ZNF655: variants seen among roughly 807,000 people sequenced by gnomAD.
ZNF655 encodes the protein Vav-interacting Kruppel-like protein 1.
A neutral mutation model predicts 6.6 loss-of-function variants in ZNF655; 3 were observed. That is an observed-to-expected ratio of 0.46 (90% confidence interval 0.21 to 1.18). The LOEUF (loss-of-function observed/expected upper bound fraction) is 1.18, where lower values mean the gene tolerates loss of function less well. Ranked by LOEUF, ZNF655 falls within the 50% of genes most tolerant of loss-of-function variation. ZNF655 has a pLI of 0.24. For missense variants in ZNF655, 526 were observed against 572.3 expected (o/e 0.92, Z 0.83); for synonymous variants, 178 against 195.0 (o/e 0.91, Z 0.73).
rs1804290757 is a variant in ZNF655 at position 99,574,519 on chromosome 7, G to A, written c.*935G>A. 6.6e-6 allele frequency: 1 copy of A among 152,150 alleles called. No individual in the cohort carries two copies. Among genetic ancestry groups the A allele is most frequent in the South Asian group, 2.1e-4 (1 of 4,822 alleles). 9.4% of individuals were successfully genotyped at this position (152,150 alleles called of 1,614,324 possible). On this transcript the variant is annotated 3_prime_UTR_variant, in exon 3 of 3. Coordinates refer to ENST00000252713, the MANE Select transcript of ZNF655 (RefSeq NM_138494.3). ...GTCCTCCCAAAGTGCTGGGGTTACAGGCGTGTGTCACTGTGCTGGGCCTAT... is the reference window on the plus strand; with the variant it reads ...GTCCTCCCAAAGTGCTGGGGTTACAAGCGTGTGTCACTGTGCTGGGCCTAT...
intron 2 of ZNF655, among the ~76,000 whole-genome samples, chr7:99,565,995 C>T (rs1037810153): frequency 1.3e-5 from 2 of 151,284 alleles, no homozygotes; most frequent in Admixed American, 6.6e-5. Flanking sequence ...TATGTATATA[C>T]ACACACACAG....
intron 2 of ZNF655, among the ~76,000 whole-genome samples, chr7:99,566,153 A>T (rs1394952654): frequency 1.3e-5 from 2 of 152,128 alleles, no homozygotes; most frequent in Admixed American, 6.5e-5. Flanking sequence ...GGCTCAGAGA[A>T]GTTAAGTGAT....
At chr7:99,565,247 C>T (rs1803535288) in intron 2 of ZNF655, among the ~76,000 whole-genome samples, 1 of 152,032 alleles carries the variant, frequency 6.6e-6, no homozygotes, top group Non-Finnish European at 1.5e-5. Flanking sequence ...CTGCTCACCG[C>T]AAGCTCCACC....
chr7:99,566,741 AAAG>A (rs1373978188), intron 2 of ZNF655, among the ~76,000 whole-genome samples: 1 of 151,984 alleles, frequency 6.6e-6, no homozygotes, highest in East Asian at 1.9e-4. Flanking sequence ...TATTTTTAGT[AAAG>A]AAGGTGTTTC....
At chr7:99,568,887 C>T (rs1007094921) in intron 2 of ZNF655, among the ~76,000 whole-genome samples, 1 of 151,938 alleles carries the variant, frequency 6.6e-6, no homozygotes, top group Non-Finnish European at 1.5e-5. Flanking sequence ...TGAGCTCAAG[C>T]GATCATTCTG....
At chr7:99,561,861 A>G (rs1366537913) in intron 2 of ZNF655, 9 of 1,433,458 alleles carry the variant, frequency 6.3e-6, no homozygotes, top group Non-Finnish European at 9.2e-7. Context: ...GGCTGCTCTC[A>G]CTCTTCACTC....
chr7:99,559,266 G>A (rs1802879306), intron 1 of ZNF655, among the ~76,000 whole-genome samples: 1 of 152,236 alleles, frequency 6.6e-6, no homozygotes, highest in African/African-American at 2.4e-5. Context: ...CGGTCTAGCT[G>A]GTCTGAGTTA....
chr7:99,573,824 T>TA lies in ZNF655; in HGVS notation c.*241dup, dbSNP rs760423094. ...GCAAATCTATACCAGTGAGAAATCT[T>TA]ACAAATGTATTGAATGTGGCAAATT... On this transcript the variant is annotated 3_prime_UTR_variant, in exon 3 of 3. Transcript: ENST00000252713. The TA allele has an allele frequency of 4.6e-4, 226 of 490,032 alleles. No homozygotes were observed. The highest frequency in any genetic ancestry group is 9.1e-4 in the Admixed American group (24 of 26,366). 30.4% of individuals were successfully genotyped at this position (490,032 alleles called of 1,614,324 possible).
In ZNF655 at chr7:99,576,254, G is replaced by A. The variant is rs559142235; in HGVS notation, c.*2670G>A. On this transcript the variant is annotated 3_prime_UTR_variant, in exon 3 of 3. Transcript: ENST00000252713. The stretch of plus-strand genomic sequence containing the variant: ...TAAATGAATTGATCTAAATGTAAAA[G>A]CAAATGAAAAATGCATGTGTTTTTT... The A allele has an allele frequency of 6.5e-6, 1 of 152,708 alleles. No homozygotes were observed. Among genetic ancestry groups the A allele is most frequent in the South Asian group, 2.1e-4 (1 of 4,824 alleles). 9.5% of individuals were successfully genotyped at this position (152,708 alleles called of 1,614,324 possible).
intron 2 of ZNF655, among the ~76,000 whole-genome samples, chr7:99,565,037 C>A (rs1235948585): frequency 6.6e-6 from 1 of 152,218 alleles, no homozygotes; most frequent in Non-Finnish European, 1.5e-5. Flanking sequence ...TATTGGAACA[C>A]TAAGCTTGCG....
Position 99,574,601 on chromosome 7 carries a change from T to A in ZNF655, c.*1017T>A, listed in dbSNP as rs1287295854. On this transcript the variant is annotated 3_prime_UTR_variant, in exon 3 of 3. Coordinates refer to ENST00000252713, the MANE Select transcript of ZNF655 (RefSeq NM_138494.3). The stretch of plus-strand genomic sequence containing the variant: ...ATTTTAATATGCCCTATAAACATTT[T>A]TATATTTTTTGAAATTGGTTCTTAG... The A allele has an allele frequency of 6.6e-6, 1 of 152,216 alleles. No individual in the cohort carries two copies. The highest frequency in any genetic ancestry group is 1.5e-5 in the Non-Finnish European group (1 of 68,048). The allele number at this position is 152,216 out of a possible 1,614,324, so 9.4% of individuals were successfully genotyped here. A position where few individuals can be genotyped will look rare whatever the true frequency, so the allele number is the denominator to read the frequency against.
chr7:99,562,563 A>T, intron 2 of ZNF655: 3 of 1,535,148 alleles, frequency 2.0e-6, no homozygotes, highest in Middle Eastern at 1.8e-4. Flanking sequence ...TCCTAAGTAT[A>T]AGGTCTCTGA....
chr7:99,570,006 T>C (rs969196422), intron 2 of ZNF655, among the ~76,000 whole-genome samples: 7 of 152,198 alleles, frequency 4.6e-5, no homozygotes, highest in African/African-American at 1.7e-4. Context: ...TATCACTCTG[T>C]ATGCCTTTGC....
At chr7:99,567,497 A>G (rs910971358) in intron 2 of ZNF655, among the ~76,000 whole-genome samples, 1 of 150,096 alleles carries the variant, frequency 6.7e-6, no homozygotes, top group Non-Finnish European at 1.5e-5. Context: ...GTGCCATTGC[A>G]CTCCAGCCTG....
Position 99,573,065 on chromosome 7 carries a change from T to C in ZNF655, c.957T>C (p.Thr319=). ...ERVFSRSVHL[T]QHQKIHKEMP... is the part of the protein sequence containing the mutation. ...TCTTCAGTCGTAGTGTCCACCTTACTCAACATCAGAAAATTCACAAAGAGA... is the reference window on the plus strand; with the variant it reads ...TCTTCAGTCGTAGTGTCCACCTTACCCAACATCAGAAAATTCACAAAGAGA... The change falls in exon 3 of 3, where the codon ACT becomes ACC. Residue 319 remains threonine (T), a synonymous_variant. Transcript: ENST00000252713. 1 of 1,614,122 alleles carries C rather than the reference T, an allele frequency of 6.2e-7. No individual in the cohort carries two copies. The highest frequency in any genetic ancestry group is 8.5e-7 in the Non-Finnish European group (1 of 1,179,998).
chr7:99,565,937 A>G (rs772164573), intron 2 of ZNF655, among the ~76,000 whole-genome samples: 14 of 152,042 alleles, frequency 9.2e-5, no homozygotes, highest in Non-Finnish European at 1.8e-4. Flanking sequence ...TGAGCAGCCA[A>G]TATGTTATTG....
Position 99,573,281 on chromosome 7 carries a change from G to T in ZNF655, c.1173G>T (p.Leu391Phe). ...GTGAATGTGGAAAAGACTTCAGATT[G>T]AATTCACATCTTATTCAGCATCAAA... ...TCSECGKDFR[L>F]NSHLIQHQRI... Residue 391 changes from leucine (L) to phenylalanine (F), a missense_variant, in exon 3 of 3, where the codon TTG becomes TTT. Transcript: ENST00000252713. The T allele has an allele frequency of 6.2e-7, 1 of 1,614,110 alleles. No individual in the cohort carries two copies. The highest frequency in any genetic ancestry group is 8.5e-7 in the Non-Finnish European group (1 of 1,179,996).
chr7:99,566,068 A>G (rs1458689386), intron 2 of ZNF655, among the ~76,000 whole-genome samples: 3 of 151,824 alleles, frequency 2.0e-5, no homozygotes, highest in African/African-American at 7.3e-5. Context: ...GGATATGTGT[A>G]TATATCTCAT....
chr7:99,572,108 TG>T (rs1804129356), intron 2 of ZNF655, 136 bp from the exon 3 acceptor site: 2 of 913,214 alleles, frequency 2.2e-6, no homozygotes, highest in Non-Finnish European at 3.2e-6. Context: ...GTTGAGATTT[TG>T]TGCCTGTTTT....
Sources: allele counts gnomAD v4.1 joint callset (sites outside exome capture counted in the v4.1 genomes callset), GRCh38; gene constraint gnomAD v4.1.1; transcripts MANE v1.5; gene names NCBI Gene and HGNC (gene_info 2026-07-23, HGNC 2026-07-21).